The following CACNA1E variants were observed in gnomAD, a reference collection of about 807,000 sequenced individuals.
CACNA1E encodes the protein voltage-dependent R-type calcium channel subunit alpha-1E.
A neutral mutation model predicts 259.2 loss-of-function variants in CACNA1E; 40 were observed. The observed-to-expected ratio is 0.15, with a 90% confidence interval of 0.12 to 0.20. The LOEUF is 0.20. CACNA1E is among the 10% of genes least tolerant of loss of function. CACNA1E has a pLI of 1.00. For synonymous variants in CACNA1E, 1,104 were observed against 1,138.5 expected (o/e 0.97, Z 0.61); for missense variants, 1,874 against 3,040.1 (o/e 0.62, Z 9.02).
intron 6 of CACNA1E, among the ~76,000 whole-genome samples, 174 bp downstream of exon 6, chr1:181,580,950 G>T (rs569882290): frequency 6.6e-6 from 1 of 152,208 alleles, no homozygotes; most frequent in Admixed American, 6.5e-5. Context: ...ACCCTCTTTT[G>T]TCTGGCCTGT....
intron 1 of CACNA1E, among the ~76,000 whole-genome samples, chr1:181,410,483 A>C (rs1657767186): frequency 6.6e-6 from 1 of 152,232 alleles, no homozygotes; most frequent in Non-Finnish European, 1.5e-5. Flanking sequence ...GAGATGGAGA[A>C]GGGGACGAAT....
rs763908240 is a variant in CACNA1E at position 181,757,063 on chromosome 1, C to A, written c.4266C>A (p.Ile1422=). ...TTGTCAATATCTTTGTGGCTCTCAT[C>A]ATCATCACCTTCCAGGAGCAAGGGG... ...FFFVNIFVAL[I]IITFQEQGDK... The change falls in exon 30 of 48, where the codon ATC becomes ATA. Residue 1422 remains isoleucine, a synonymous_variant. Coordinates refer to ENST00000367573, the MANE Select transcript of CACNA1E (RefSeq NM_001205293.3). 1 of 1,613,864 alleles carries A rather than the reference C, an allele frequency of 6.2e-7. No individual in the cohort carries two copies. Among genetic ancestry groups the A allele is most frequent in the South Asian group, 1.1e-5 (1 of 91,088 alleles).
intron 18 of CACNA1E, among the ~76,000 whole-genome samples, chr1:181,730,303 C>A (rs1315704742): frequency 2.6e-5 from 4 of 152,240 alleles, no homozygotes; most frequent in African/African-American, 9.6e-5. Flanking sequence ...TTCATCAGGC[C>A]AGTAACTGGG....
chr1:181,483,483 G>A (rs1272517712), upstream of CACNA1E: 2 of 334,126 alleles, frequency 6.0e-6, no homozygotes, highest in East Asian at 4.8e-5. Flanking sequence ...CCTACCACCC[G>A]CTTTTTTTTT....
In CACNA1E at chr1:181,577,836, C is replaced by T; in HGVS notation, c.583C>T (p.Leu195=). The T allele has an allele frequency of 6.2e-7, 1 of 1,611,698 alleles. No individual in the cohort carries two copies. ...GAGGACCCTCCGGGCTGTGCGTGTC[C>T]TGCGGCCTTTGAAGCTCGTGTCAGG... The part of the protein sequence containing the change: ...DLRTLRAVRV[L]RPLKLVSGIP... The change falls in exon 4 of 48, where the codon CTG becomes TTG. Residue 195 remains leucine, a synonymous_variant. Coordinates refer to ENST00000367573, the MANE Select transcript of CACNA1E (RefSeq NM_001205293.3).
intron 3 of CACNA1E, among the ~76,000 whole-genome samples, chr1:181,559,097 G>A (rs1649040119): frequency 6.6e-6 from 1 of 152,224 alleles, no homozygotes; most frequent in South Asian, 2.1e-4. Flanking sequence ...AGGCTGTTGT[G>A]CCCAGATCAC....
intron 3 of CACNA1E, among the ~76,000 whole-genome samples, chr1:181,565,098 A>G (rs1400268621): frequency 6.6e-6 from 1 of 152,194 alleles, no homozygotes; most frequent in African/African-American, 2.4e-5. Context: ...TTTACCCATA[A>G]CAAGAGAGTC....
At chr1:181,739,888 T>G (rs1294935751) in intron 25 of CACNA1E, among the ~76,000 whole-genome samples, 1 of 152,322 alleles carries the variant, frequency 6.6e-6, no homozygotes, top group East Asian at 1.9e-4. Context: ...TGTGGGATTT[T>G]TTTCCCCCCT....
chr1:181,406,330 T>C (rs969477809), intron 1 of CACNA1E, among the ~76,000 whole-genome samples: 1 of 152,246 alleles, frequency 6.6e-6, no homozygotes, highest in Non-Finnish European at 1.5e-5. Context: ...TGGGCATTTT[T>C]TATGGCCAGG....
chr1:181,407,762 T>C (rs1263823007), intron 1 of CACNA1E, among the ~76,000 whole-genome samples: 1 of 152,190 alleles, frequency 6.6e-6, no homozygotes, highest in East Asian at 1.9e-4. Flanking sequence ...CGGGTGAGTA[T>C]GCTGAGTAGG....
chr1:181,352,606 A>T (rs772110347), intron 1 of CACNA1E, among the ~76,000 whole-genome samples: 5 of 152,190 alleles, frequency 3.3e-5, no homozygotes, highest in Non-Finnish European at 5.9e-5. Flanking sequence ...CTCTCTCTTC[A>T]CCGCCTCCTC....
In CACNA1E at chr1:181,732,414, C is replaced by G. The variant is rs182071786; in HGVS notation, c.2328C>G (p.Ser776=). ...LRERRRRHHM[S]VWEQRTSQLR... is the part of the protein sequence containing the mutation. ...AGCGGAGGCGCCGGCACCACATGTC[C>G]GTGTGGGAGCAGCGTACCAGCCAGC... Residue 776 remains serine, a synonymous_variant, in exon 20 of 48, where the codon TCC becomes TCG. Coordinates refer to ENST00000367573, the MANE Select transcript of CACNA1E (RefSeq NM_001205293.3). This position sits in a 1 kb window ranked among gnomAD's most constrained non-coding sequence, Gnocchi z 5.5. The G allele has an allele frequency of 3.9e-6, 6 of 1,542,570 alleles. No homozygotes were observed. Among genetic ancestry groups the G allele is most frequent in the East Asian group, 2.4e-5 (1 of 40,872 alleles).
At chr1:181,464,309 C>G (rs558120204) in intron 2 of CACNA1E, among the ~76,000 whole-genome samples, 6 of 150,914 alleles carry the variant, frequency 4.0e-5, no homozygotes, top group Non-Finnish European at 7.4e-5. Context: ...CCTAAGGGAG[C>G]CTTGCCATAT....
At chr1:181,548,807 G>C (rs1242146101) in intron 3 of CACNA1E, among the ~76,000 whole-genome samples, 3 of 152,222 alleles carry the variant, frequency 2.0e-5, no homozygotes, top group Non-Finnish European at 2.9e-5. Context: ...AACCAAATAT[G>C]ATAAATGACT....
intron 1 of CACNA1E, among the ~76,000 whole-genome samples, chr1:181,369,030 A>G (rs543691804): frequency 6.6e-6 from 1 of 152,330 alleles, no homozygotes; most frequent in African/African-American, 2.4e-5. Flanking sequence ...TGGCTATGCT[A>G]GAAGAAGCAC....
At chr1:181,592,202 C>T (rs1005980843) in intron 6 of CACNA1E, among the ~76,000 whole-genome samples, 12 of 152,216 alleles carry the variant, frequency 7.9e-5, no homozygotes, top group South Asian at 2.1e-4. Context: ...TATCATTCAT[C>T]GTCTTCTAGG....
At chr1:181,422,116 C>T (rs1413771746) in intron 2 of CACNA1E, among the ~76,000 whole-genome samples, 1 of 152,134 alleles carries the variant, frequency 6.6e-6, no homozygotes, top group Non-Finnish European at 1.5e-5. Context: ...GCCATTTGGA[C>T]CTTAGCTCAA....
At chr1:181,728,662 TAGGTGTGTGTCCTCTGCCC>T (rs1217281699) in intron 18 of CACNA1E, among the ~76,000 whole-genome samples, 2 of 150,590 alleles carry the variant, frequency 1.3e-5, no homozygotes, top group Non-Finnish European at 1.5e-5. Context: ...GTGTCCTACA[TAGGTGTGTGTCCTCTGCCC>T]AGGTGTGTGT....
intron 18 of CACNA1E, among the ~76,000 whole-genome samples, chr1:181,726,426 G>A (rs577436686): frequency 1.3e-5 from 2 of 152,336 alleles, no homozygotes; most frequent in East Asian, 3.9e-4. Context: ...AAGTACAGGA[G>A]CTGGGTGGGA....
Sources: gnomAD v4.1 joint callset for allele counts (sites outside exome capture counted in the v4.1 genomes callset) on GRCh38, gnomAD v4.1.1 for gene constraint, Gnocchi (gnomAD v3.1) non-coding constraint, MANE v1.5 for transcripts, NCBI Gene and HGNC (gene_info 2026-07-23, HGNC 2026-07-21) for gene names.